LRBA: variants seen among roughly 807,000 people sequenced by gnomAD.
The protein encoded by LRBA is LPS responsive beige-like anchor protein.
In LRBA, 176 loss-of-function variants were observed where a neutral mutation model predicts 330.0. The observed-to-expected ratio is 0.53, with a 90% CI of 0.47 to 0.60. The LOEUF is 0.60. LRBA is among the 20% of genes least tolerant of loss of function. The pLI is 0.00. For missense variants in LRBA, 3,259 were observed against 3,444.8 expected (o/e 0.95, Z 1.35); for synonymous variants, 1,230 against 1,193.0 (o/e 1.03, Z -0.64).
chr4:150,313,809 A>ATT (rs530176720), intron 51 of LRBA, among the ~76,000 whole-genome samples: 79 of 148,460 alleles, frequency 5.3e-4, no homozygotes, highest in Non-Finnish European at 8.3e-4. Context: ...TAAACACAAA[A>ATT]TTAATTTGTT....
At chr4:150,322,408 C>T (rs1432097258) in intron 49 of LRBA, among the ~76,000 whole-genome samples, 1 of 152,156 alleles carries the variant, frequency 6.6e-6, no homozygotes, top group Non-Finnish European at 1.5e-5. Flanking sequence ...TTCTCTCCTA[C>T]CATGTCTGTT....
At chr4:150,793,899 T>G (rs933382637) in intron 34 of LRBA, among the ~76,000 whole-genome samples, 8 of 152,218 alleles carry the variant, frequency 5.3e-5, no homozygotes, top group African/African-American at 1.9e-4. Context: ...AGCTGTTACC[T>G]TCATAGCATC....
chr4:150,700,145 C>T (rs528883088), intron 36 of LRBA, among the ~76,000 whole-genome samples: 48 of 152,028 alleles, frequency 3.2e-4, no homozygotes, highest in Admixed American at 7.2e-4. Flanking sequence ...GATACTCAAC[C>T]GGCATTTTAT....
chr4:150,524,980 G>A (rs1053345476), intron 40 of LRBA, among the ~76,000 whole-genome samples: 3 of 152,040 alleles, frequency 2.0e-5, no homozygotes, highest in Admixed American at 6.6e-5. Context: ...AAATTTCTAA[G>A]TAAAGAGTGA....
intron 42 of LRBA, 133 bp downstream of exon 42, chr4:150,487,599 A>G (rs914645861): frequency 3.4e-5 from 15 of 440,180 alleles, no homozygotes; most frequent in African/African-American, 2.8e-4. Flanking sequence ...GAAACATAAA[A>G]CAGAAAGTTA....
intron 2 of LRBA, among the ~76,000 whole-genome samples, chr4:150,967,406 C>T (rs1739026707): frequency 6.6e-6 from 1 of 152,204 alleles, no homozygotes; most frequent in African/African-American, 2.4e-5. Context: ...ACTCCCTTGC[C>T]TTTGCTCTCC....
chr4:150,539,184 C>A (rs6847441), intron 40 of LRBA, among the ~76,000 whole-genome samples: 9,807 of 152,110 alleles, frequency 0.064, 508 homozygotes, highest in East Asian at 0.18. Context: ...TCATGTTGTT[C>A]AGGATGGTCT....
At chr4:150,489,437 TATATA>T (rs1156270382) in intron 41 of LRBA, among the ~76,000 whole-genome samples, 2 of 57,298 alleles carry the variant, frequency 3.5e-5, no homozygotes, top group African/African-American at 1.1e-4. Context: ...CATATAAGAA[TATATA>T]ATATATTATA....
In LRBA at chr4:150,915,737, C is replaced by T. The variant is rs912574466; in HGVS notation, c.895-10G>A. ...TGGTAACCATATACCACTGCAGAAG[C>T]AAAAAACAGTTAAAAATACAAAGAT... is the stretch of plus-strand genomic sequence containing the variant. On this transcript the variant is annotated splice_polypyrimidine_tract_variant and intron_variant, in intron 7 of 56. Transcript: ENST00000651943. 1 of 1,571,840 alleles carries T rather than the reference C, an allele frequency of 6.4e-7. No individual in the cohort carries two copies.
chr4:150,815,581 A>G (rs1578872973), intron 31 of LRBA, among the ~76,000 whole-genome samples: 1 of 151,964 alleles, frequency 6.6e-6, no homozygotes, highest in Non-Finnish European at 1.5e-5. Context: ...ATTATAAAAT[A>G]AAAAGCAAGG....
At chr4:150,273,865 A>AT (rs1242250255) in intron 56 of LRBA, among the ~76,000 whole-genome samples, 4 of 152,124 alleles carry the variant, frequency 2.6e-5, no homozygotes, top group Admixed American at 2.6e-4. Flanking sequence ...ATAGTGGGAG[A>AT]TTTTAACACC....
At position 150,848,850 on chromosome 4, in the gene LRBA, G is replaced by C; in HGVS notation, c.4307C>G (p.Ser1436Cys). The C allele has an allele frequency of 6.2e-7, 1 of 1,610,532 alleles. No homozygotes were observed. Among genetic ancestry groups the C allele is most frequent in the Non-Finnish European group, 8.5e-7 (1 of 1,178,274 alleles). Residue 1436 changes from serine (S) to cysteine (C), a missense_variant, in exon 26 of 57, where the codon TCT (serine) becomes TGT (cysteine). Ser to Cys is a moderately radical substitution (Grantham distance 112). Transcript: ENST00000651943. ...TEIEAEKSMS[S>C]GGILRQCLRL... ...GAGACACTGCCGCAAAATTCCTCCA[G>C]ATGACATACTTTTTTCAGCTTCAAT...
At chr4:150,773,570 A>C (rs920132552) in intron 34 of LRBA, among the ~76,000 whole-genome samples, 4 of 152,230 alleles carry the variant, frequency 2.6e-5, no homozygotes, top group South Asian at 4.1e-4. Context: ...GCTGGAAATT[A>C]CCACACCTGT....
chr4:150,279,374 C>T (rs1747218139), intron 55 of LRBA, among the ~76,000 whole-genome samples: 1 of 152,186 alleles, frequency 6.6e-6, no homozygotes, highest in Non-Finnish European at 1.5e-5. Context: ...ATACAAATTT[C>T]CTTTCTTTAG....
chr4:150,816,305 A>T (rs964179166), intron 31 of LRBA, among the ~76,000 whole-genome samples: 1 of 151,940 alleles, frequency 6.6e-6, no homozygotes, highest in Non-Finnish European at 1.5e-5. Context: ...TTTGGTAGGT[A>T]CAATATCTTG....
intron 22 of LRBA, among the ~76,000 whole-genome samples, chr4:150,861,274 T>TGTGTGTGTGTGTGG (rs1751903080): frequency 7.7e-6 from 1 of 130,676 alleles, no homozygotes; most frequent in African/African-American, 4.0e-5. Flanking sequence ...GCTAATGGTG[T>TGTGTGTGTGTGTGG]GTGTGTGTGT....
chr4:150,805,582 A>AG (rs1742637117), intron 33 of LRBA, among the ~76,000 whole-genome samples: 3 of 134,846 alleles, frequency 2.2e-5, no homozygotes, highest in Non-Finnish European at 4.7e-5. Flanking sequence ...AAAGGAAAGG[A>AG]AAGGAAAGGA....
chr4:150,933,787 G>A (rs757708175), intron 2 of LRBA, among the ~76,000 whole-genome samples: 1 of 152,082 alleles, frequency 6.6e-6, no homozygotes, highest in Non-Finnish European at 1.5e-5. Context: ...CGAGAGAGCA[G>A]ATCAGTTGCA....
chr4:150,997,991 A>T (rs1257366224), intron 2 of LRBA, among the ~76,000 whole-genome samples: 1 of 152,090 alleles, frequency 6.6e-6, no homozygotes, highest in Non-Finnish European at 1.5e-5. Flanking sequence ...AGCGTGAGCC[A>T]CTGCACCTGG....
Sources: allele counts gnomAD v4.1 joint callset (sites outside exome capture counted in the v4.1 genomes callset), GRCh38; gene constraint gnomAD v4.1.1; transcripts MANE v1.5; gene names NCBI Gene and HGNC (gene_info 2026-07-23, HGNC 2026-07-21).